PRSS23: variants seen among roughly 807,000 people sequenced by gnomAD.
PRSS23 encodes the protein serine protease 23, also known as protease, serine 23.
Under a neutral mutation model 34.7 loss-of-function variants are expected in PRSS23, and 25 were observed. The ratio of observed to expected loss-of-function variants is 0.72; its 90% CI spans 0.53 to 1.01. PRSS23 has a LOEUF of 1.01. Among genes scored for constraint, PRSS23 ranks in the 50% least tolerant of loss-of-function variants. PRSS23 has a pLI of 0.00. For synonymous variants in PRSS23, 176 were observed against 186.6 expected (o/e 0.94, Z 0.46); for missense variants, 445 against 475.6 (o/e 0.94, Z 0.60).
At position 86,806,069 on chromosome 11, in the gene PRSS23, G is replaced by C. The variant is rs563241468; in HGVS notation, c.-13-1562G>C. Among the ~76,000 whole-genome samples, 8 of 152,266 alleles carry C rather than the reference G, an allele frequency of 5.3e-5. No homozygotes were observed. The South Asian group carries it at 1.7e-3, about 32-fold the overall frequency. Reference sequence around the variant, plus strand: ...TATGAAAGCACTTTCAGTATTCCTCGTTGTTGTTTTTCTTGTGGGATGATT... The same window carrying C: ...TATGAAAGCACTTTCAGTATTCCTCCTTGTTGTTTTTCTTGTGGGATGATT... On this transcript the variant is annotated intron_variant, in intron 1 of 1. Transcript: ENST00000280258.
At chr11:86,833,330 G>A (rs1948375770) in intron 2 of PRSS23, 2 of 1,114,740 alleles carry the variant, frequency 1.8e-6, no homozygotes. Flanking sequence ...AGGATAATGA[G>A]CAGATTCTCC....
intron 1 of PRSS23, among the ~76,000 whole-genome samples, chr11:86,795,135 A>G (rs1042369906): frequency 2.0e-5 from 3 of 152,206 alleles, no homozygotes; most frequent in Non-Finnish European, 2.9e-5. Flanking sequence ...CATGGATAAT[A>G]TAACAGTTTG....
chr11:86,863,666 C>A (rs1244219386), intron 2 of PRSS23, among the ~76,000 whole-genome samples: 1 of 152,198 alleles, frequency 6.6e-6, no homozygotes, highest in African/African-American at 2.4e-5. Context: ...TCTTTCTTTA[C>A]TTTCCACTTA....
At position 86,878,524 on chromosome 11, in the gene PRSS23, T is replaced by C. The variant is rs550556609; in HGVS notation, c.206+54931T>C. Among the ~76,000 whole-genome samples the C allele has an allele frequency of 2.6e-4, 39 of 152,324 alleles. No homozygotes were observed. In the East Asian group the frequency reaches 6.6e-3, roughly 26 times the overall value. On this transcript the variant is annotated intron_variant, in intron 2 of 2. Transcript: ENST00000533902. ...GAGTGATCCGCCAGCCTCGGCCTCCTGAGGTGCCAGGATTGCAGACGGAGT... is the reference window on the plus strand; with the variant it reads ...GAGTGATCCGCCAGCCTCGGCCTCCCGAGGTGCCAGGATTGCAGACGGAGT...
At chr11:86,874,667 T>C (rs1004869901) in intron 2 of PRSS23, among the ~76,000 whole-genome samples, 2 of 152,238 alleles carry the variant, frequency 1.3e-5, no homozygotes, top group Admixed American at 1.3e-4. Context: ...CCTATTGACT[T>C]ATAACACACA....
At chr11:86,823,922 C>G (rs1301785645) in intron 2 of PRSS23, among the ~76,000 whole-genome samples, 2 of 130,892 alleles carry the variant, frequency 1.5e-5, no homozygotes, top group Non-Finnish European at 3.1e-5. Flanking sequence ...AGGAGAATGG[C>G]GTGAACCCGG....
Position 86,927,759 on chromosome 11 carries a change from C to T in PRSS23, c.207-23457C>T, listed in dbSNP as rs546343709. Among the ~76,000 whole-genome samples the T allele has an allele frequency of 4.3e-4, 66 of 152,214 alleles. 1 individual carries two copies. The highest frequency in any genetic ancestry group is 5.8e-4 in the African/African-American group (24 of 41,532). On this transcript the variant is annotated intron_variant, in intron 2 of 2. Coordinates refer to the PRSS23 transcript ENST00000533902. ...ATACTAGGCCGGGCGTGGTGGCTCA[C>T]GCCTGTAAGCCAGGGGAGGCTGAGG...
At chr11:86,919,678 G>A (rs899649611) in intron 2 of PRSS23, among the ~76,000 whole-genome samples, 28 of 152,210 alleles carry the variant, frequency 1.8e-4, no homozygotes, top group Middle Eastern at 3.4e-3. Flanking sequence ...TACCTCCCCG[G>A]GCCTCCGTTT....
intron 2 of PRSS23, among the ~76,000 whole-genome samples, chr11:86,891,046 G>A (rs1208365872): frequency 1.3e-5 from 2 of 152,136 alleles, no homozygotes; most frequent in Non-Finnish European, 2.9e-5. Context: ...ATGTGCCAGG[G>A]CTTGGTCTAA....
chr11:86,802,161 T>G (rs1160638017), intron 1 of PRSS23, among the ~76,000 whole-genome samples: 1 of 152,208 alleles, frequency 6.6e-6, no homozygotes, highest in Non-Finnish European at 1.5e-5. Flanking sequence ...GCATTATTCA[T>G]GCCTAACTCC....
At chr11:86,925,746 C>T (rs1399241907) in intron 2 of PRSS23, among the ~76,000 whole-genome samples, 2 of 152,174 alleles carry the variant, frequency 1.3e-5, no homozygotes, top group East Asian at 1.9e-4. Flanking sequence ...TAAGACTTTC[C>T]AGTTAGTAGC....
chr11:86,863,615 A>G (rs1039241008), intron 2 of PRSS23, among the ~76,000 whole-genome samples: 1 of 152,224 alleles, frequency 6.6e-6, no homozygotes, highest in Non-Finnish European at 1.5e-5. Context: ...CAGAATTTAG[A>G]GTTCCACAGC....
chr11:86,819,586 G>A (rs1391710486), intron 1 of PRSS23, among the ~76,000 whole-genome samples: 1 of 152,166 alleles, frequency 6.6e-6, no homozygotes, highest in East Asian at 1.9e-4. Context: ...TTGGGGAACA[G>A]TAATGACTGT....
At chr11:86,868,921 C>G (rs1269699210) in intron 2 of PRSS23, among the ~76,000 whole-genome samples, 1 of 152,144 alleles carries the variant, frequency 6.6e-6, no homozygotes, top group African/African-American at 2.4e-5. Flanking sequence ...AGGTGATCCT[C>G]CCACCTCAGC....
intron 2 of PRSS23, chr11:86,939,274 A>G (rs1181992623): frequency 4.6e-6 from 1 of 216,644 alleles, no homozygotes; most frequent in Non-Finnish European, 9.5e-6. Context: ...AGTCTGTCCT[A>G]AAGTTGTTCT....
Position 86,808,788 on chromosome 11 carries a change from A to AG in PRSS23, c.1149dup (p.Ter384ValfsTer40). 3 of 1,605,736 alleles carry AG rather than the reference A, an allele frequency of 1.9e-6. No individual in the cohort carries two copies. The highest frequency in any genetic ancestry group is 3.3e-4 in the Middle Eastern group (2 of 6,016). On this transcript the variant is annotated frameshift_variant, in exon 2 of 2. Coordinates refer to ENST00000280258, the MANE Select transcript of PRSS23 (RefSeq NM_007173.6). LOFTEE classifies it high-confidence loss of function. ...AAAGGAAACTACCTGGATTGTAGGG[A>AG]GGGGTGACACAGTGTTCCCTCCTGG...
Position 86,832,156 on chromosome 11 carries a change from G to A in PRSS23, c.206+8563G>A, listed in dbSNP as rs78692797. Among the ~76,000 whole-genome samples the A allele has an allele frequency of 2.6e-3, 395 of 152,116 alleles. 1 individual carries two copies. Among genetic ancestry groups the A allele is most frequent in the African/African-American group, 8.9e-3 (371 of 41,472 alleles). On this transcript the variant is annotated intron_variant, in intron 2 of 2. Transcript: ENST00000533902. ...ATTACTGGTGGTGTTCACCATGTGC[G>A]TACACCCCCAGTGATGTCATTCATA...
intron 2 of PRSS23, among the ~76,000 whole-genome samples, chr11:86,875,235 G>T (rs1380559624): frequency 6.6e-6 from 1 of 152,168 alleles, no homozygotes; most frequent in African/African-American, 2.4e-5. Context: ...GCCGGGTGTG[G>T]TGGCGGGTGC....
intron 2 of PRSS23, chr11:86,933,199 T>A (rs927407359): frequency 2.0e-5 from 3 of 152,374 alleles, no homozygotes; most frequent in Non-Finnish European, 4.4e-5. Context: ...TCCTTTGGAC[T>A]GGACTTCTGA....
Sources: allele counts gnomAD v4.1 joint callset (sites outside exome capture counted in the v4.1 genomes callset), GRCh38; gene constraint gnomAD v4.1.1; transcripts MANE v1.5; gene names NCBI Gene and HGNC (gene_info 2026-07-23, HGNC 2026-07-21).